LARGE1: variants seen among roughly 807,000 people sequenced by gnomAD.
The protein encoded by LARGE1 is LARGE xylosyl- and glucuronyltransferase 1, also known as xylosyl- and glucuronyltransferase LARGE1.
In LARGE1, 43 loss-of-function variants were observed where a neutral mutation model predicts 87.6. The observed-to-expected ratio is 0.49, with a 90% CI of 0.38 to 0.63. LARGE1 has a LOEUF of 0.63. LARGE1 is among the 30% of genes least tolerant of loss of function. The pLI is 0.00. For synonymous variants in LARGE1, 434 were observed against 394.6 expected (o/e 1.10, Z -1.18); for missense variants, 802 against 1,000.2 (o/e 0.80, Z 2.67).
chr22:33,785,092 T>TATGC (rs1556043159), intron 1 of LARGE1, among the ~76,000 whole-genome samples: 2 of 147,766 alleles, frequency 1.4e-5, no homozygotes, highest in Admixed American at 6.7e-5. Flanking sequence ...CATATGTGTA[T>TATGC]ATACATGTGT....
chr22:33,252,386 G>T (rs577267314), intron 11 of LARGE1, among the ~76,000 whole-genome samples: 20 of 150,948 alleles, frequency 1.3e-4, no homozygotes, highest in Non-Finnish European at 2.1e-4. Context: ...ATTTCTTAAT[G>T]AGTAGTAATG....
chr22:33,296,047 C>G (rs894621895), intron 12 of LARGE1, among the ~76,000 whole-genome samples: 7 of 152,272 alleles, frequency 4.6e-5, no homozygotes, highest in Non-Finnish European at 1.0e-4. Flanking sequence ...GTGCTAGAGA[C>G]TCTGTCTCCA....
At chr22:33,913,142 AT>A (rs1471737293) in intron 1 of LARGE1, among the ~76,000 whole-genome samples, 1 of 152,076 alleles carries the variant, frequency 6.6e-6, no homozygotes, top group Admixed American at 6.5e-5. Context: ...TGATTTTGAT[AT>A]TTTTTAATGT....
chr22:33,413,256 G>T (rs755739329), intron 7 of LARGE1, among the ~76,000 whole-genome samples: 5 of 152,056 alleles, frequency 3.3e-5, no homozygotes, highest in Non-Finnish European at 7.4e-5. Context: ...CACTCTTTCT[G>T]AAAGAGTGGT....
chr22:33,229,520 T>C (rs956334514), intron 11 of LARGE1, among the ~76,000 whole-genome samples: 3 of 152,038 alleles, frequency 2.0e-5, no homozygotes, highest in African/African-American at 4.8e-5. Flanking sequence ...GTATGGTAGA[T>C]GTAAATAGAT....
chr22:33,412,702 C>A (rs1310209220), intron 7 of LARGE1, among the ~76,000 whole-genome samples: 1 of 151,942 alleles, frequency 6.6e-6, no homozygotes, highest in African/African-American at 2.4e-5. Context: ...GCTGTGTCGC[C>A]CAGGCTGGAG....
At chr22:33,730,854 G>A (rs911933056) in intron 2 of LARGE1, among the ~76,000 whole-genome samples, 1 of 151,348 alleles carries the variant, frequency 6.6e-6, no homozygotes, top group Non-Finnish European at 1.5e-5. Context: ...CACCACACCC[G>A]GCTAATTTTT....
chr22:33,525,767 T>A (rs7287479), intron 6 of LARGE1, among the ~76,000 whole-genome samples: 5,746 of 152,286 alleles, frequency 0.038, 362 homozygotes, highest in African/African-American at 0.13. Context: ...CCTGTCTGGT[T>A]AGCTGGCATT....
chr22:33,225,737 C>T (rs1191044590), intron 11 of LARGE1, among the ~76,000 whole-genome samples: 1 of 152,088 alleles, frequency 6.6e-6, no homozygotes, highest in African/African-American at 2.4e-5. Flanking sequence ...CTAGGCCCCA[C>T]TGTCTGTTGT....
chr22:33,671,095 C>G (rs758127819), intron 2 of LARGE1, among the ~76,000 whole-genome samples: 1 of 152,152 alleles, frequency 6.6e-6, no homozygotes, highest in African/African-American at 2.4e-5. Context: ...AAAGAAAATG[C>G]TGGAAAGACA....
intron 6 of LARGE1, among the ~76,000 whole-genome samples, chr22:33,497,742 A>G (rs2070211053): frequency 6.6e-6 from 1 of 152,244 alleles, no homozygotes; most frequent in Non-Finnish European, 1.5e-5. Context: ...TCTGTAGTTC[A>G]TATAAGTAAC....
At chr22:33,429,220 A>C (rs2066994837) in intron 7 of LARGE1, among the ~76,000 whole-genome samples, 1 of 152,160 alleles carries the variant, frequency 6.6e-6, no homozygotes, top group East Asian at 1.9e-4. Flanking sequence ...TGGGTGGCAC[A>C]ATCCTTGGTT....
chr22:33,313,795 G>C (rs1418884496), intron 11 of LARGE1, among the ~76,000 whole-genome samples: 1 of 152,210 alleles, frequency 6.6e-6, no homozygotes, highest in Non-Finnish European at 1.5e-5. Flanking sequence ...CCCAGCCCTG[G>C]ATAATCCCTT....
At chr22:33,638,009 T>G (rs2080319105) in intron 3 of LARGE1, among the ~76,000 whole-genome samples, 1 of 152,156 alleles carries the variant, frequency 6.6e-6, no homozygotes, top group South Asian at 2.1e-4. Flanking sequence ...CATCCCCTAA[T>G]TTCAGGGCCT....
intron 13 of LARGE1, among the ~76,000 whole-genome samples, chr22:33,278,965 G>A (rs1338751656): frequency 6.6e-6 from 1 of 152,130 alleles, no homozygotes. Context: ...TGATCCGCCC[G>A]TCTTGGCCTC....
chr22:33,834,746 T>C (rs949843104), intron 1 of LARGE1, among the ~76,000 whole-genome samples: 1 of 152,214 alleles, frequency 6.6e-6, no homozygotes, highest in African/African-American at 2.4e-5. Context: ...ATCATCCCAT[T>C]CTATAGTTTT....
intron 11 of LARGE1, among the ~76,000 whole-genome samples, chr22:33,254,010 C>T (rs1406053640): frequency 6.6e-6 from 1 of 151,648 alleles, no homozygotes; most frequent in Non-Finnish European, 1.5e-5. Flanking sequence ...GGTTATGTGA[C>T]CAAGTTCTAG....
intron 11 of LARGE1, among the ~76,000 whole-genome samples, chr22:33,263,987 G>C (rs188889575): frequency 2.0e-5 from 3 of 152,226 alleles, no homozygotes; most frequent in East Asian, 1.9e-4. Context: ...CTGTAAAATG[G>C]GTCTAGTAAA....
At position 33,646,251 on chromosome 22, in the gene LARGE1, G is replaced by A. The variant is rs576560638; in HGVS notation, c.408+4116C>T. 1.6e-3 allele frequency among the ~76,000 whole-genome samples: 251 copies of A among 152,146 alleles called. 1 individual carries two copies. The highest frequency in any genetic ancestry group is 3.4e-3 in the Middle Eastern group (1 of 294). On this transcript the variant is annotated intron_variant, in intron 3 of 14. Coordinates refer to ENST00000397394, the MANE Select transcript of LARGE1 (RefSeq NM_133642.5). ...ACATATACACCATGGAATACTATGC[G>A]GCCATAAAAAAGAATGAGTTCATGT... is the stretch of plus-strand genomic sequence containing the variant.
Sources: gnomAD v4.1 joint callset for allele counts (sites outside exome capture counted in the v4.1 genomes callset) on GRCh38, gnomAD v4.1.1 for gene constraint, MANE v1.5 for transcripts, NCBI Gene and HGNC (gene_info 2026-07-23, HGNC 2026-07-21) for gene names.